The following VPS13B variants were observed in gnomAD, a reference collection of about 807,000 sequenced individuals.
The protein encoded by VPS13B is intermembrane lipid transfer protein VPS13B.
A neutral mutation model predicts 426.4 loss-of-function variants in VPS13B; 285 were observed. The ratio of observed to expected loss-of-function variants is 0.67; its 90% CI spans 0.61 to 0.74. VPS13B has a LOEUF of 0.74. Ranked by LOEUF, VPS13B falls within the 30% of genes least tolerant of loss-of-function variation. VPS13B has a pLI of 0.00. For missense variants in VPS13B, 4,537 were observed against 4,782.6 expected, an observed-to-expected ratio of 0.95 and a Z score of 1.51; for synonymous variants, 1,676 against 1,676.4, an observed-to-expected ratio of 1.00 and a Z score of 0.01.
chr8:99,621,313 G>C (rs1828338283), intron 33 of VPS13B, among the ~76,000 whole-genome samples: 3 of 152,072 alleles, frequency 2.0e-5, no homozygotes, highest in Admixed American at 1.3e-4. Context: ...AAGGATGAAG[G>C]GCTATCAAGG....
intron 39 of VPS13B, among the ~76,000 whole-genome samples, chr8:99,742,591 A>G (rs1215523226): frequency 6.6e-6 from 1 of 152,156 alleles, no homozygotes; most frequent in African/African-American, 2.4e-5. Context: ...ATACTGGCAA[A>G]CCGTATCCAG....
At chr8:99,837,693 AC>A (rs1311790984) in intron 54 of VPS13B, among the ~76,000 whole-genome samples, 1 of 152,072 alleles carries the variant, frequency 6.6e-6, no homozygotes, top group East Asian at 1.9e-4. Flanking sequence ...ACCGTGGTTT[AC>A]TTCCTACTCT....
chr8:99,416,485 T>A (rs970219701), intron 21 of VPS13B, among the ~76,000 whole-genome samples: 9 of 152,112 alleles, frequency 5.9e-5, no homozygotes, highest in African/African-American at 2.2e-4. Context: ...CTCCTGCAGC[T>A]AGCTCAGTGT....
chr8:99,228,345 G>C (rs1816129212), intron 17 of VPS13B, among the ~76,000 whole-genome samples: 1 of 152,148 alleles, frequency 6.6e-6, no homozygotes, highest in Non-Finnish European at 1.5e-5. Context: ...AAGTTGAAAA[G>C]AAATTTAATG....
chr8:99,458,751 C>T (rs1389068231), intron 23 of VPS13B, among the ~76,000 whole-genome samples: 2 of 152,152 alleles, frequency 1.3e-5, no homozygotes, highest in Admixed American at 6.5e-5. Context: ...CCTTCGCCCA[C>T]TTTTTGATGG....
intron 17 of VPS13B, among the ~76,000 whole-genome samples, chr8:99,257,793 C>T (rs1484976965): frequency 7.0e-5 from 10 of 142,534 alleles, no homozygotes; most frequent in Non-Finnish European, 1.4e-4. Flanking sequence ...CTAATGCTGA[C>T]TTTTTTTTTT....
chr8:99,540,013 TTATATATATATATATATATATATATATA>T (rs1209568378), intron 30 of VPS13B, among the ~76,000 whole-genome samples: 840 of 27,122 alleles, frequency 0.031, 34 homozygotes, highest in Middle Eastern at 0.15. Flanking sequence ...TATAAATAAA[TTATATATATATATATATATATATATATA>T]TATATATATA....
intron 19 of VPS13B, among the ~76,000 whole-genome samples, chr8:99,283,560 A>G (rs1306614668): frequency 1.3e-5 from 2 of 152,196 alleles, no homozygotes; most frequent in Non-Finnish European, 2.9e-5. Flanking sequence ...TATTGGAACT[A>G]AATGAAGAGA....
chr8:99,116,728 C>T (rs1588055228), intron 7 of VPS13B, among the ~76,000 whole-genome samples: 1 of 152,180 alleles, frequency 6.6e-6, no homozygotes, highest in East Asian at 1.9e-4. Flanking sequence ...GCCACCATGC[C>T]TGACCCAGGA....
chr8:99,154,159 GT>G (rs375134323), intron 14 of VPS13B, among the ~76,000 whole-genome samples: 28 of 136,370 alleles, frequency 2.1e-4, no homozygotes, highest in African/African-American at 2.4e-4. Flanking sequence ...GGTTTTTTTT[GT>G]TTTTTTTTTT....
At chr8:99,058,224 C>T (rs550373451) in intron 3 of VPS13B, among the ~76,000 whole-genome samples, 33 of 151,798 alleles carry the variant, frequency 2.2e-4, no homozygotes, top group African/African-American at 7.0e-4. Flanking sequence ...AACAGACTGA[C>T]GGCAGAAGCA....
intron 19 of VPS13B, among the ~76,000 whole-genome samples, chr8:99,336,515 G>A (rs960725180): frequency 1.3e-5 from 2 of 152,110 alleles, no homozygotes; most frequent in African/African-American, 4.8e-5. Context: ...TTGACAAATG[G>A]GATCTAATGA....
chr8:99,570,543 C>CT (rs1333053920), intron 31 of VPS13B, among the ~76,000 whole-genome samples: 1 of 151,128 alleles, frequency 6.6e-6, no homozygotes, highest in Non-Finnish European at 1.5e-5. Flanking sequence ...CTGATTTGCC[C>CT]TTTTGAATAG....
At chr8:99,614,534 T>A (rs1269167053) in intron 33 of VPS13B, among the ~76,000 whole-genome samples, 7 of 152,018 alleles carry the variant, frequency 4.6e-5, no homozygotes, top group Non-Finnish European at 8.8e-5. Flanking sequence ...CACCTCGGCC[T>A]CCCAAAGTGC....
At chr8:99,156,395 T>C (rs1811365396) in intron 14 of VPS13B, among the ~76,000 whole-genome samples, 154 bp from the exon 15 acceptor site, 1 of 152,224 alleles carries the variant, frequency 6.6e-6, no homozygotes, top group African/African-American at 2.4e-5. Context: ...ACATTTGTTA[T>C]TTGGTTATGG....
chr8:99,258,711 A>G (rs909550750), intron 17 of VPS13B, among the ~76,000 whole-genome samples: 1 of 152,080 alleles, frequency 6.6e-6, no homozygotes, highest in Non-Finnish European at 1.5e-5. Flanking sequence ...TACCTGAAAG[A>G]CTGTTTATTT....
chr8:99,692,243 T>C (rs1266341363), intron 35 of VPS13B, among the ~76,000 whole-genome samples: 7 of 147,724 alleles, frequency 4.7e-5, no homozygotes, highest in East Asian at 4.1e-4. Flanking sequence ...AATATACATT[T>C]TTTTCAGCAC....
chr8:99,338,194 C>G lies in VPS13B; in HGVS notation c.2825-46014C>G, dbSNP rs533605117. On this transcript the variant is annotated intron_variant, in intron 19 of 61. Transcript: ENST00000357162. ...GTACTATGTGTTTTTTGTTTTCTTT[C>G]TATATTTTATTATCAACTGGTCAGT... is the stretch of plus-strand genomic sequence containing the variant. Among the ~76,000 whole-genome samples, 20 of 151,956 alleles carry G rather than the reference C, an allele frequency of 1.3e-4. No individual in the cohort carries two copies. In the South Asian group the frequency reaches 2.5e-3, roughly 19 times the overall value.
intron 2 of VPS13B, among the ~76,000 whole-genome samples, chr8:99,036,627 G>C (rs577025682): frequency 1.2e-4 from 19 of 152,186 alleles, no homozygotes; most frequent in African/African-American, 4.6e-4. Context: ...GTTACTGTTT[G>C]GTTAGTAGCA....
Sources: gnomAD v4.1 joint callset for allele counts (sites outside exome capture counted in the v4.1 genomes callset) on GRCh38, gnomAD v4.1.1 for gene constraint, MANE v1.5 for transcripts, NCBI Gene and HGNC (gene_info 2026-07-23, HGNC 2026-07-21) for gene names.